PHEX: variants seen among roughly 807,000 people sequenced by gnomAD.
The protein encoded by PHEX is phosphate regulating endopeptidase X-linked.
Under a neutral mutation model 68.0 loss-of-function variants are expected in PHEX, and 16 were observed. The ratio of observed to expected loss-of-function variants is 0.24; its 90% CI spans 0.16 to 0.36. The LOEUF (loss-of-function observed/expected upper bound fraction) is 0.36. PHEX is among the 10% of genes least tolerant of loss of function. The pLI, the probability that PHEX is intolerant of heterozygous loss-of-function variation, is 1.00. For missense variants in PHEX, 480 were observed against 575.5 expected (o/e 0.83, Z 1.70); for synonymous variants, 208 against 205.1 (o/e 1.01, Z -0.12).
intron 16 of PHEX, among the ~76,000 whole-genome samples, chrX:22,216,748 G>A (rs1315445454): frequency 9.1e-6 from 1 of 109,921 alleles, no homozygotes; most frequent in Non-Finnish European, 1.9e-5. Flanking sequence ...TCGAACTCCC[G>A]ACCCCAGGTA....
chrX:22,064,569 C>T (rs181274715), intron 3 of PHEX, among the ~76,000 whole-genome samples: 142 of 112,014 alleles, frequency 1.3e-3, no homozygotes, highest in African/African-American at 2.9e-3. Flanking sequence ...GATGCCCATG[C>T]TGCTGGTTTG....
At chrX:22,083,096 T>C (rs1340346947) in intron 5 of PHEX, among the ~76,000 whole-genome samples, 1 of 111,673 alleles carries the variant, frequency 9.0e-6, no homozygotes, top group African/African-American at 3.3e-5. Context: ...AAGCAATGGG[T>C]AAAGGACTGT....
chrX:22,244,435 A>T (rs1307860987), intron 20 of PHEX, among the ~76,000 whole-genome samples: 1 of 39,440 alleles, frequency 2.5e-5, no homozygotes, highest in Non-Finnish European at 4.4e-5. Flanking sequence ...AAGTATAATA[A>T]AAAAAAAAAT....
At chrX:22,072,481 C>T (rs1290861784) in intron 3 of PHEX, among the ~76,000 whole-genome samples, 12 of 111,537 alleles carry the variant, frequency 1.1e-4, no homozygotes, top group African/African-American at 9.8e-5. Flanking sequence ...ATTTCTTGAA[C>T]GGGACACTAA....
Position 22,032,972 on chromosome X carries a change from A to G in PHEX, c.-34A>G, listed in dbSNP as rs1269333280. The G allele has an allele frequency of 1.7e-5, 19 of 1,089,813 alleles. No homozygotes were observed. Among genetic ancestry groups the G allele is most frequent in the Non-Finnish European group, 2.4e-5 (19 of 786,010 alleles). The allele number at this position is 1,089,813 out of a possible 1,213,427, so 89.8% of individuals were successfully genotyped here. A position where few individuals can be genotyped will look rare whatever the true frequency, so the allele number is the denominator to read the frequency against. Reference sequence around the variant, plus strand: ...ACCAGCCACCAAACCACGAAAAGTGACTTTCTTCTCGTGTGCTCTCTACGG... The same window carrying G: ...ACCAGCCACCAAACCACGAAAAGTGGCTTTCTTCTCGTGTGCTCTCTACGG... On this transcript the variant is annotated 5_prime_UTR_variant, in exon 1 of 22. Transcript: ENST00000379374.
intron 20 of PHEX, among the ~76,000 whole-genome samples, chrX:22,236,514 G>C (rs184584662): frequency 1.3e-3 from 148 of 112,973 alleles, no homozygotes; most frequent in African/African-American, 4.5e-3. Context: ...TACTGGGTCA[G>C]ATATATAAAA....
At chrX:22,247,470 G>T (rs1936423158) in intron 21 of PHEX, among the ~76,000 whole-genome samples, 1 of 111,932 alleles carries the variant, frequency 8.9e-6, no homozygotes, top group African/African-American at 3.2e-5. Flanking sequence ...TCTTGATCTG[G>T]CAGATAGTAA....
intron 14 of PHEX, among the ~76,000 whole-genome samples, chrX:22,183,036 C>T (rs945752252): frequency 8.9e-6 from 1 of 111,751 alleles, no homozygotes; most frequent in African/African-American, 3.3e-5. Flanking sequence ...TGTCAACCTT[C>T]TCATGCCATT....
Position 22,126,691 on chromosome X carries a change from A to G in PHEX, c.1303-6832A>G, listed in dbSNP as rs140568515. On this transcript the variant is annotated intron_variant, in intron 11 of 21. Coordinates refer to ENST00000379374, the MANE Select transcript of PHEX (RefSeq NM_000444.6). ...GTGCCTATGCATATGTGACTCACCA[A>G]TGTCTGGTGTCTGATGTAGAACTCT... 1.0e-2 allele frequency among the ~76,000 whole-genome samples: 1,101 copies of G among 110,363 alleles called. 19 individuals carry two copies. Among genetic ancestry groups the G allele is most frequent in the African/African-American group, 0.034 (1,027 of 30,356 alleles).
At position 22,076,333 on chromosome X, in the gene PHEX, C is replaced by T. The variant is rs1163031157; in HGVS notation, c.350-55C>T. 8.0e-6 allele frequency: 7 copies of T among 871,472 alleles called. No homozygotes were observed. In the East Asian group the frequency reaches 2.2e-4, roughly 27 times the overall value. 71.8% of individuals were successfully genotyped at this position (871,472 alleles called of 1,213,427 possible). A position where few individuals can be genotyped will look rare whatever the true frequency, so the allele number is the denominator to read the frequency against. ...GGAATTGTGATTATCAAATGACTTC[C>T]AACTTGGCACCATATGTGGGTGGAT... is the stretch of plus-strand genomic sequence containing the variant. On this transcript the variant is annotated intron_variant, in intron 3 of 21. Coordinates refer to ENST00000379374, the MANE Select transcript of PHEX (RefSeq NM_000444.6).
chrX:22,052,796 G>T (rs868710566), intron 3 of PHEX, among the ~76,000 whole-genome samples: 3 of 110,309 alleles, frequency 2.7e-5, no homozygotes, highest in Non-Finnish European at 5.7e-5. Flanking sequence ...GGACTCAAAG[G>T]GGGGAGGGTG....
chrX:22,219,976 G>A (rs1935219286), intron 17 of PHEX, among the ~76,000 whole-genome samples: 6 of 111,968 alleles, frequency 5.4e-5, no homozygotes, highest in Admixed American at 2.8e-4. Flanking sequence ...GATATGCTTT[G>A]TATCCCGATG....
chrX:22,160,559 AAAAAAAG>A (rs1164701550), intron 12 of PHEX, among the ~76,000 whole-genome samples: 1 of 108,701 alleles, frequency 9.2e-6, no homozygotes, highest in African/African-American at 3.4e-5. Context: ...CAAAAAAAAA[AAAAAAAG>A]AAAAGAAAAA....
chrX:22,038,580 T>A, intron 2 of PHEX, 43 bp downstream of exon 2: 1 of 878,094 alleles, frequency 1.1e-6, no homozygotes, highest in Non-Finnish European at 1.7e-6. Context: ...ATAATTATGG[T>A]ACCTTGGGAA....
intron 11 of PHEX, among the ~76,000 whole-genome samples, chrX:22,118,321 T>A (rs773509099): frequency 2.2e-5 from 2 of 92,378 alleles, no homozygotes; most frequent in East Asian, 6.5e-4. Flanking sequence ...TCATGATTCA[T>A]TTGTTTGTAA....
Position 22,055,705 on chromosome X carries a change from G to T in PHEX, c.349+8494G>T, listed in dbSNP as rs190288871. ...GCTTCCTGAGTAGCTGGGATTATAG[G>T]CATGTGCCACATGCCCAGCTAATTT... On this transcript the variant is annotated intron_variant, in intron 3 of 21. Coordinates refer to ENST00000379374, the MANE Select transcript of PHEX (RefSeq NM_000444.6). Among the ~76,000 whole-genome samples the T allele has an allele frequency of 3.8e-3, 421 of 111,617 alleles. 1 individual carries two copies. The highest frequency in any genetic ancestry group is 0.013 in the African/African-American group (395 of 30,710).
At chrX:22,242,217 A>T (rs1936238331) in intron 20 of PHEX, among the ~76,000 whole-genome samples, 1 of 112,276 alleles carries the variant, frequency 8.9e-6, no homozygotes, top group Non-Finnish European at 1.9e-5. Context: ...GCATTTGACA[A>T]AATTCAACAC....
At chrX:22,208,440 T>A (rs1204914535) in intron 15 of PHEX, among the ~76,000 whole-genome samples, 1 of 112,707 alleles carries the variant, frequency 8.9e-6, no homozygotes, top group Non-Finnish European at 1.9e-5. Flanking sequence ...ACTTACTGCA[T>A]AGCAGTCCAC....
chrX:22,235,345 T>G (rs1217889282), intron 20 of PHEX, among the ~76,000 whole-genome samples: 1 of 112,453 alleles, frequency 8.9e-6, no homozygotes, highest in Non-Finnish European at 1.9e-5. Context: ...TTTTCAGATT[T>G]GACATCTTCT....
Sources: gnomAD v4.1 joint callset for allele counts (sites outside exome capture counted in the v4.1 genomes callset) on GRCh38, gnomAD v4.1.1 for gene constraint, MANE v1.5 for transcripts, NCBI Gene and HGNC (gene_info 2026-07-23, HGNC 2026-07-21) for gene names.